Variants in EPHA5 observed in about 807,000 individuals in gnomAD.
The protein encoded by EPHA5 is EPH receptor A5.
A neutral mutation model predicts 105.0 loss-of-function variants in EPHA5; 60 were observed. The observed-to-expected ratio is 0.57, with a 90% CI of 0.46 to 0.71. The LOEUF is 0.71. EPHA5 is among the 30% of genes least tolerant of loss of function. The pLI, the probability that EPHA5 is intolerant of heterozygous loss-of-function variation, is 0.00. For synonymous variants in EPHA5, 513 were observed against 449.1 expected, an observed-to-expected ratio of 1.14 and a Z score of -1.80; for missense variants, 1,218 against 1,274.7, an observed-to-expected ratio of 0.96 and a Z score of 0.68.
chr4:65,622,179 G>T (rs1286091481), intron 2 of EPHA5, among the ~76,000 whole-genome samples: 3 of 151,910 alleles, frequency 2.0e-5, no homozygotes, highest in African/African-American at 7.2e-5. Flanking sequence ...TTGTTGTTTA[G>T]AATCAACTCT....
chr4:65,610,273 A>G (rs1744642682), intron 2 of EPHA5, among the ~76,000 whole-genome samples: 1 of 152,132 alleles, frequency 6.6e-6, no homozygotes, highest in South Asian at 2.1e-4. Context: ...GCAAACTAAC[A>G]CAGAAACGGA....
chr4:65,602,005 G>C lies in EPHA5; in HGVS notation c.546C>G (p.Ser182Arg), dbSNP rs1217799732. 1 of 1,613,978 alleles carries C rather than the reference G, an allele frequency of 6.2e-7. No individual in the cohort carries two copies. Among genetic ancestry groups the C allele is most frequent in the Non-Finnish European group, 8.5e-7 (1 of 1,180,002 alleles). ...GGTCACCAAGATCAAGTTCTGTAAA[G>C]CTTTCATCGGCAGCAATGGTATCAA... is the stretch of plus-strand genomic sequence containing the variant. ...IKIDTIAADE[S>R]FTELDLGDRV... Residue 182 changes from serine to arginine, a missense_variant, in exon 3 of 17, where the codon AGC (serine) becomes AGG (arginine). Around this residue, in one of 3 missense-constraint regions of EPHA5, gnomAD observed 14 missense variants for 33.7 expected, o/e 0.42. Coordinates refer to ENST00000613740, the MANE Select transcript of EPHA5 (RefSeq NM_001281766.3).
intron 11 of EPHA5, among the ~76,000 whole-genome samples, chr4:65,362,722 T>C (rs1717442177): frequency 1.3e-5 from 2 of 151,684 alleles, no homozygotes; most frequent in Admixed American, 6.6e-5. Context: ...AGAAATCTGT[T>C]TGTATTATTA....
intron 5 of EPHA5, among the ~76,000 whole-genome samples, chr4:65,453,158 TTATACCTACTTAAA>T (rs1727231660): frequency 1.3e-5 from 2 of 152,268 alleles, no homozygotes; most frequent in South Asian, 4.1e-4. Context: ...ACATAAAAAG[TTATACCTACTTAAA>T]AATCCTAATT....
intron 14 of EPHA5, among the ~76,000 whole-genome samples, chr4:65,336,802 A>C (rs1721228830): frequency 6.6e-6 from 1 of 152,100 alleles, no homozygotes; most frequent in Non-Finnish European, 1.5e-5. Flanking sequence ...TTTTATCAAA[A>C]CCATTTGTAA....
rs111544541 is a variant in EPHA5, at chr4:65,376,040, A to G, written c.1794-8616T>C. 5.1e-3 allele frequency among the ~76,000 whole-genome samples: 783 copies of G among 152,056 alleles called. 12 individuals are homozygous for G. Among genetic ancestry groups the G allele is most frequent in the African/African-American group, 0.018 (730 of 41,518 alleles). ...TTTGTTCACTCTCTCTTCTTCTCAGATCATTGGCATCCATTCCACAACTTC... is the reference window on the plus strand; with the variant it reads ...TTTGTTCACTCTCTCTTCTTCTCAGGTCATTGGCATCCATTCCACAACTTC... On this transcript the variant is annotated intron_variant, in intron 8 of 16. Transcript: ENST00000613740.
At chr4:65,413,064 C>A (rs192714430) in intron 7 of EPHA5, among the ~76,000 whole-genome samples, 7 of 152,172 alleles carry the variant, frequency 4.6e-5, no homozygotes, top group Admixed American at 3.9e-4. Context: ...ATATAGCATA[C>A]CTTTTTTCCT....
At chr4:65,367,898 C>T (rs1202467872) in intron 8 of EPHA5, among the ~76,000 whole-genome samples, 1 of 151,946 alleles carries the variant, frequency 6.6e-6, no homozygotes, top group African/African-American at 2.4e-5. Context: ...GCTCCACTGG[C>T]TGTTTTCCAC....
intron 2 of EPHA5, among the ~76,000 whole-genome samples, chr4:65,613,257 T>C (rs1341321269): frequency 5.3e-5 from 8 of 152,154 alleles, no homozygotes; most frequent in Non-Finnish European, 1.2e-4. Context: ...GCCTGTATCA[T>C]GCTGTTTTGG....
chr4:65,424,463 A>G (rs1040757991), intron 5 of EPHA5, among the ~76,000 whole-genome samples: 6 of 152,110 alleles, frequency 3.9e-5, no homozygotes, highest in Non-Finnish European at 2.9e-5. Context: ...TAATAGGAAC[A>G]ATAATATAAA....
chr4:65,352,605 T>TA (rs1303443120), intron 12 of EPHA5, among the ~76,000 whole-genome samples: 4 of 152,000 alleles, frequency 2.6e-5, no homozygotes, highest in Non-Finnish European at 4.4e-5. Flanking sequence ...GGAGCACTTA[T>TA]AGGCTCTAAC....
In EPHA5 at chr4:65,531,015, AT is replaced by A. The variant is rs200655975; in HGVS notation, c.911-35473del. Among the ~76,000 whole-genome samples, 131 of 107,254 alleles carry A rather than the reference AT, an allele frequency of 1.2e-3. 1 individual carries two copies. Among genetic ancestry groups the A allele is most frequent in the African/African-American group, 4.1e-3 (113 of 27,770 alleles). 70.4% of individuals were successfully genotyped at this position (107,254 alleles called of 152,430 possible). On this transcript the variant is annotated intron_variant, in intron 3 of 16. Coordinates refer to ENST00000613740, the MANE Select transcript of EPHA5 (RefSeq NM_001281766.3). The stretch of plus-strand genomic sequence containing the variant: ...GGATGGATTTTTTTTTATTTTTTTT[AT>A]TTTTTTTATTTTTTTTATTTTTTTA...
In EPHA5 at chr4:65,621,995, C is replaced by T. The variant is rs1356681314; in HGVS notation, c.247-19691G>A. 2.0e-5 allele frequency among the ~76,000 whole-genome samples: 3 copies of T among 152,098 alleles called. No homozygotes were observed. The East Asian group carries it at 5.8e-4, about 29-fold the overall frequency. ...ACAGTCCATTAAATTAATCTGAGTA[C>T]ATTTTCACTTAGATTCTATTTGGCT... On this transcript the variant is annotated intron_variant, in intron 2 of 16. Coordinates refer to ENST00000613740, the MANE Select transcript of EPHA5 (RefSeq NM_001281766.3).
At chr4:65,472,086 G>C (rs1482735766) in intron 5 of EPHA5, among the ~76,000 whole-genome samples, 1 of 152,100 alleles carries the variant, frequency 6.6e-6, no homozygotes, top group African/African-American at 2.4e-5. Context: ...GATACAATGG[G>C]GATACAGGCA....
chr4:65,456,851 A>G (rs1400539289), intron 5 of EPHA5, among the ~76,000 whole-genome samples: 1 of 152,108 alleles, frequency 6.6e-6, no homozygotes, highest in Non-Finnish European at 1.5e-5. Flanking sequence ...AAGTAAGTTG[A>G]TATACTTGAA....
intron 5 of EPHA5, among the ~76,000 whole-genome samples, chr4:65,436,680 C>A (rs1004020869): frequency 7.2e-5 from 11 of 151,914 alleles, no homozygotes; most frequent in African/African-American, 2.2e-4. Flanking sequence ...ATTTTGAAAT[C>A]TACATGTTTG....
chr4:65,599,947 A>T (rs1192222291), intron 3 of EPHA5, among the ~76,000 whole-genome samples: 1 of 152,156 alleles, frequency 6.6e-6, no homozygotes, highest in African/African-American at 2.4e-5. Flanking sequence ...ACATGGAGAG[A>T]GGCCTCTTAT....
intron 3 of EPHA5, chr4:65,573,995 T>C: frequency 6.3e-7 from 1 of 1,594,084 alleles, no homozygotes; most frequent in Non-Finnish European, 8.6e-7. Flanking sequence ...TGACTGGACC[T>C]CTGGTCCTCA....
At chr4:65,527,000 C>T (rs1013099509) in intron 3 of EPHA5, among the ~76,000 whole-genome samples, 1 of 151,926 alleles carries the variant, frequency 6.6e-6, no homozygotes, top group Non-Finnish European at 1.5e-5. Context: ...AATGTAGTTA[C>T]CATTTCAAAT....
Sources: gnomAD v4.1 joint callset for allele counts (sites outside exome capture counted in the v4.1 genomes callset) on GRCh38, gnomAD v4.1.1 for gene constraint, gnomAD v4.1.1 regional missense constraint, MANE v1.5 for transcripts, NCBI Gene and HGNC (gene_info 2026-07-23, HGNC 2026-07-21) for gene names.